Variants in SNRPN observed in about 807,000 individuals in gnomAD.
SNRPN encodes small nuclear ribonucleoprotein-associated protein N.
A neutral mutation model predicts 25.2 loss-of-function variants in SNRPN; 7 were observed. That is an observed-to-expected ratio of 0.28 (90% CI 0.16 to 0.52). The LOEUF (loss-of-function observed/expected upper bound fraction) is 0.52, where lower values mean the gene tolerates loss of function less well. SNRPN is among the 20% of genes least tolerant of loss of function. SNRPN has a pLI of 0.96. For synonymous variants in SNRPN, 124 were observed against 110.6 expected, an observed-to-expected ratio of 1.12 and a Z score of -0.76; for missense variants, 196 against 322.5, an observed-to-expected ratio of 0.61 and a Z score of 3.00.
chr15:24,978,152 C>T (rs200600828), intron 8 of SNRPN, 41 bp from the exon 9 acceptor site: 6 of 1,593,208 alleles, frequency 3.8e-6, no homozygotes, highest in Non-Finnish European at 5.1e-6. Flanking sequence ...CTTTTCTAAG[C>T]CATTTTATGA....
intron 2 of SNRPN, among the ~76,000 whole-genome samples, chr15:24,903,793 G>T (rs991579632): frequency 3.3e-5 from 5 of 152,310 alleles, no homozygotes; most frequent in African/African-American, 1.2e-4. Context: ...CATCACTTTG[G>T]AGGCAGAGAG....
intron 2 of SNRPN, among the ~76,000 whole-genome samples, chr15:24,964,243 G>T (rs1330724082): frequency 6.6e-6 from 1 of 152,084 alleles, no homozygotes; most frequent in East Asian, 1.9e-4. Context: ...AGTATTTTGT[G>T]TAATATAATT....
intron 1 of SNRPN, among the ~76,000 whole-genome samples, chr15:24,881,576 GGA>G (rs1291467497): frequency 4.7e-5 from 2 of 42,430 alleles, no homozygotes; most frequent in Non-Finnish European, 1.0e-4. Flanking sequence ...AGGGAGGGAG[GGA>G]GGGAGGGAGA....
intron 2 of SNRPN, among the ~76,000 whole-genome samples, chr15:24,914,414 G>A (rs148329865): frequency 6.6e-6 from 1 of 152,080 alleles, no homozygotes; most frequent in African/African-American, 2.4e-5. Context: ...AAGAATCAAG[G>A]CCAGGTGTGG....
At chr15:24,847,725 C>A (rs2052333681) in intron 2 of SNRPN, among the ~76,000 whole-genome samples, 1 of 152,166 alleles carries the variant, frequency 6.6e-6, no homozygotes, top group Non-Finnish European at 1.5e-5. Flanking sequence ...AGTCCTGGCC[C>A]ATGCCCACTT....
At chr15:24,914,224 G>T (rs1436575563) in intron 2 of SNRPN, among the ~76,000 whole-genome samples, 1 of 152,148 alleles carries the variant, frequency 6.6e-6, no homozygotes, top group Non-Finnish European at 1.5e-5. Context: ...AATGCTTCCA[G>T]TTTTAGGGTG....
chr15:24,964,474 A>G (rs1419309086), intron 2 of SNRPN, among the ~76,000 whole-genome samples: 2 of 151,942 alleles, frequency 1.3e-5, no homozygotes, highest in East Asian at 1.9e-4. Flanking sequence ...GTATTTTTTT[A>G]GTAGAGACAG....
intron 2 of SNRPN, among the ~76,000 whole-genome samples, chr15:24,917,590 C>T (rs1292928260): frequency 6.6e-6 from 1 of 152,180 alleles, no homozygotes; most frequent in African/African-American, 2.4e-5. Flanking sequence ...CATTTCAACG[C>T]GGCCTGGGGT....
At chr15:24,961,874 T>C (rs2074892682) in intron 1 of SNRPN, among the ~76,000 whole-genome samples, 1 of 152,198 alleles carries the variant, frequency 6.6e-6, no homozygotes, top group Non-Finnish European at 1.5e-5. Flanking sequence ...TTTAATTTCA[T>C]TTTCTGATTT....
At position 24,978,547 on chromosome 15, in the gene SNRPN, T is replaced by C. The variant is rs899626537; in HGVS notation, c.*103T>C. ...TTGTTCCCTCATTCTGCATTAATAA[T>C]AGCTAATAATAAATGCATAGAGCAA... On this transcript the variant is annotated 3_prime_UTR_variant, in exon 10 of 10. Transcript: ENST00000390687. 5 of 1,011,718 alleles carry C rather than the reference T, an allele frequency of 4.9e-6. No individual in the cohort carries two copies. Among genetic ancestry groups the C allele is most frequent in the Non-Finnish European group, 6.3e-6 (4 of 639,516 alleles). The allele number at this position is 1,011,718 out of a possible 1,614,324, so 62.7% of individuals were successfully genotyped here.
chr15:24,910,635 C>G (rs1327072418), intron 2 of SNRPN, among the ~76,000 whole-genome samples: 1 of 152,054 alleles, frequency 6.6e-6, no homozygotes, highest in Admixed American at 6.6e-5. Context: ...GCTGGGATTA[C>G]AGGCGCCCGC....
At chr15:24,831,930 T>C (rs1160353478) in intron 2 of SNRPN, among the ~76,000 whole-genome samples, 1 of 151,880 alleles carries the variant, frequency 6.6e-6, no homozygotes, top group Non-Finnish European at 1.5e-5. Flanking sequence ...CTGGAATGAA[T>C]GTGGGAGTGC....
At chr15:24,897,597 T>C (rs773087174) in intron 2 of SNRPN, among the ~76,000 whole-genome samples, 3 of 152,172 alleles carry the variant, frequency 2.0e-5, no homozygotes, top group African/African-American at 4.8e-5. Context: ...GGTTTGGCTG[T>C]GTCTCCACCC....
chr15:24,925,888 C>T (rs576244480), intron 3 of SNRPN, among the ~76,000 whole-genome samples: 10 of 152,220 alleles, frequency 6.6e-5, no homozygotes, highest in African/African-American at 2.4e-4. Context: ...GCGCCCGCAA[C>T]CACACCCGGC....
At position 24,977,146 on chromosome 15, in the gene SNRPN, A is replaced by C. The variant is rs549670912; in HGVS notation, c.420+117A>C. ...CAATGTAAACAGCATATGGTTTAGG[A>C]GGAACCAAAACACAGATATATGGGA... On this transcript the variant is annotated intron_variant, in intron 7 of 9. Coordinates refer to ENST00000390687, the MANE Select transcript of SNRPN (RefSeq NM_003097.6). The C allele has an allele frequency of 2.1e-5, 16 of 764,604 alleles. No homozygotes were observed. The Admixed American group carries it at 5.4e-4, about 26-fold the overall frequency. The allele number at this position is 764,604 out of a possible 1,614,324, so 47.4% of individuals were successfully genotyped here.
chr15:24,893,081 C>T (rs536714332), intron 2 of SNRPN, among the ~76,000 whole-genome samples: 3 of 151,822 alleles, frequency 2.0e-5, no homozygotes, highest in Admixed American at 1.3e-4. Context: ...TGGAGGTGCA[C>T]GTCTGTAATC....
intron 3 of SNRPN, among the ~76,000 whole-genome samples, chr15:24,973,582 C>T (rs2076713901): frequency 6.6e-6 from 1 of 151,474 alleles, no homozygotes; most frequent in Non-Finnish European, 1.5e-5. Context: ...GTATTTCTAG[C>T]AGAGACGGGA....
intron 8 of SNRPN, 64 bp from the exon 9 acceptor site, chr15:24,978,129 G>T: frequency 6.5e-7 from 1 of 1,533,248 alleles, no homozygotes; most frequent in Non-Finnish European, 9.0e-7. Context: ...GGATTATTTG[G>T]GCTAAATTCT....
intron 3 of SNRPN, chr15:24,968,737 T>C (rs2076017816): frequency 6.6e-6 from 1 of 152,154 alleles, no homozygotes; most frequent in Admixed American, 6.5e-5. Flanking sequence ...TTCCTTTTTG[T>C]TTTGTCTTTT....
Sources: allele counts gnomAD v4.1 joint callset (sites outside exome capture counted in the v4.1 genomes callset), GRCh38; gene constraint gnomAD v4.1.1; transcripts MANE v1.5; gene names NCBI Gene and HGNC (gene_info 2026-07-23, HGNC 2026-07-21).